Variants in PCDHGB3 observed in about 807,000 individuals in gnomAD.
PCDHGB3 encodes the protein protocadherin gamma-B3.
PCDHGB3 carries 40 observed loss-of-function variants against 59.2 expected under a neutral mutation model. That is an observed-to-expected ratio of 0.68 (90% CI 0.52 to 0.88). The LOEUF (loss-of-function observed/expected upper bound fraction) is 0.88, where lower values mean the gene tolerates loss of function less well. Among genes scored for constraint, PCDHGB3 ranks in the 40% least tolerant of loss-of-function variants. The probability of loss-of-function intolerance (pLI) is 0.00; values close to 1 mark genes in which losing one functional copy is unlikely to be tolerated. For synonymous variants in PCDHGB3, 581 were observed against 503.6 expected (o/e 1.15, Z -2.06); for missense variants, 1,309 against 1,187.9 (o/e 1.10, Z -1.50).
At chr5:141,408,605 A>G (rs1374368607) in intron 1 of PCDHGB3, 1 of 1,614,060 alleles carries the variant, frequency 6.2e-7, no homozygotes, top group South Asian at 1.1e-5. Flanking sequence ...TCAATTTGAT[A>G]AAAAGGAAAT....
At chr5:141,404,600 CTG>C (rs2094545529) in intron 1 of PCDHGB3, 2 of 1,613,938 alleles carry the variant, frequency 1.2e-6, no homozygotes, top group Non-Finnish European at 1.7e-6. Context: ...GTCATTGAGA[CTG>C]TTTGTTTTGG....
intron 1 of PCDHGB3, among the ~76,000 whole-genome samples, chr5:141,468,306 C>T (rs1006015063): frequency 9.5e-6 from 1 of 105,260 alleles, no homozygotes; most frequent in African/African-American, 3.7e-5. Context: ...GCCTGGGCAA[C>T]AAGAGCAACG....
intron 1 of PCDHGB3, chr5:141,440,430 G>A (rs965990102): frequency 6.6e-6 from 1 of 152,196 alleles, no homozygotes; most frequent in African/African-American, 2.4e-5. Flanking sequence ...CTGGGTGACA[G>A]AGCAAGGCGC....
In PCDHGB3 at chr5:141,415,213, G is replaced by A. The variant is rs750613524; in HGVS notation, c.2415+42404G>A. On this transcript the variant is annotated intron_variant, in intron 1 of 3. Coordinates refer to ENST00000576222, the MANE Select transcript of PCDHGB3 (RefSeq NM_018924.5). ...CATCCCCCAAGTCCTGGCGGACCTC[G>A]GCAGCTTCGAGTCTCCAGCTAACTC... 1.9e-6 allele frequency: 3 copies of A among 1,614,074 alleles called. No individual in the cohort carries two copies. In the East Asian group the frequency reaches 6.7e-5, roughly 36 times the overall value.
intron 1 of PCDHGB3, among the ~76,000 whole-genome samples, chr5:141,465,824 T>A (rs1447359333): frequency 6.6e-6 from 1 of 152,076 alleles, no homozygotes; most frequent in Non-Finnish European, 1.5e-5. Context: ...ATCACATTTG[T>A]TTAAAATTTC....
rs144018757 is a variant in PCDHGB3, at chr5:141,443,001, A to G, written c.2416-51806A>G. On this transcript the variant is annotated intron_variant, in intron 1 of 3. Transcript: ENST00000576222. ...GTTAGCCTATAATTTCAGTAAATCTAAGAATATGACTAATGGAAGTTGCCA... is the reference window on the plus strand; with the variant it reads ...GTTAGCCTATAATTTCAGTAAATCTGAGAATATGACTAATGGAAGTTGCCA... Among the ~76,000 whole-genome samples the G allele has an allele frequency of 1.3e-3, 194 of 152,312 alleles. 1 individual carries two copies. The East Asian group carries it at 0.032, about 25-fold the overall frequency.
chr5:141,400,221 C>T (rs377228541), intron 1 of PCDHGB3: 36 of 1,614,060 alleles, frequency 2.2e-5, no homozygotes, highest in Admixed American at 6.7e-5. Flanking sequence ...TCTCAGTGCT[C>T]TTCCTCCTGG....
chr5:141,481,455 C>T (rs2099537897), intron 1 of PCDHGB3, among the ~76,000 whole-genome samples: 1 of 152,176 alleles, frequency 6.6e-6, no homozygotes, highest in African/African-American at 2.4e-5. Flanking sequence ...TGTAAATACA[C>T]TGAAAACCAT....
chr5:141,421,163 G>C, intron 1 of PCDHGB3: 2 of 1,276,926 alleles, frequency 1.6e-6, no homozygotes, highest in Non-Finnish European at 2.1e-6. Flanking sequence ...GGACTTCATA[G>C]ATACATAAGC....
chr5:141,463,364 T>C (rs1166107031), intron 1 of PCDHGB3, among the ~76,000 whole-genome samples: 2 of 150,250 alleles, frequency 1.3e-5, no homozygotes, highest in Admixed American at 6.6e-5. Context: ...TCCCCTTTCC[T>C]GCCCCACAGT....
chr5:141,419,414 GCCTTCGACCACGAGCAGCTGCGCA>G, intron 1 of PCDHGB3: 1 of 1,613,428 alleles, frequency 6.2e-7, no homozygotes, highest in South Asian at 1.1e-5. Context: ...CGCGCAGCGC[GCCTTCGACCACGAGCAGCTGCGCA>G]CCTTCGAGCT....
intron 1 of PCDHGB3, among the ~76,000 whole-genome samples, chr5:141,437,623 T>G (rs887878119): frequency 3.3e-5 from 5 of 152,172 alleles, no homozygotes; most frequent in Non-Finnish European, 7.4e-5. Context: ...TATCCCCATA[T>G]AAGATGTCAG....
At chr5:141,478,050 C>T (rs2099429383) in intron 1 of PCDHGB3, 1 of 1,614,066 alleles carries the variant, frequency 6.2e-7, no homozygotes, top group Non-Finnish European at 8.5e-7. Flanking sequence ...CAGACTCTCA[C>T]GGTCTTGATC....
chr5:141,375,929 C>T, intron 1 of PCDHGB3: 1 of 1,613,738 alleles, frequency 6.2e-7, no homozygotes, highest in South Asian at 1.1e-5. Context: ...CGAGCCAGGA[C>T]TTTTCTCAGT....
rs568123995 is a variant in PCDHGB3 at position 141,511,539 on chromosome 5, C to G, written c.*366C>G. The G allele has an allele frequency of 3.0e-5, 10 of 328,342 alleles. No individual in the cohort carries two copies. The highest frequency in any genetic ancestry group is 2.1e-4 in the African/African-American group (10 of 47,452). The allele number at this position is 328,342 out of a possible 1,614,324, so 20.3% of individuals were successfully genotyped here. ...CATCCCATGCCTCCCTCCTCCCCAC[C>G]CCACTCCAACAGTTCCTCTTTCCCG... On this transcript the variant is annotated 3_prime_UTR_variant, in exon 4 of 4. Transcript: ENST00000576222.
chr5:141,423,832 T>G, intron 1 of PCDHGB3: 113 of 1,253,376 alleles, frequency 9.0e-5, no homozygotes, highest in East Asian at 2.6e-4. Context: ...TTTCATGAGA[T>G]TACGATAATC....
At chr5:141,494,638 A>G (rs2099755799) in intron 1 of PCDHGB3, 169 bp from the exon 2 acceptor site, 1 of 896,388 alleles carries the variant, frequency 1.1e-6, no homozygotes, top group African/African-American at 1.8e-5. Context: ...GACCTCTGAG[A>G]CCTGAGGTGT....
At chr5:141,393,491 G>C in intron 1 of PCDHGB3, 1 of 1,614,026 alleles carries the variant, frequency 6.2e-7, no homozygotes, top group Non-Finnish European at 8.5e-7. Flanking sequence ...CTAGCACAGT[G>C]CGCATCCACG....
intron 1 of PCDHGB3, chr5:141,376,159 C>A: frequency 1.9e-6 from 3 of 1,614,084 alleles, no homozygotes; most frequent in Non-Finnish European, 2.5e-6. Context: ...TCACTCTGTA[C>A]CTGGTGGTGG....
Sources: gnomAD v4.1 joint callset for allele counts (sites outside exome capture counted in the v4.1 genomes callset) on GRCh38, gnomAD v4.1.1 for gene constraint, MANE v1.5 for transcripts, NCBI Gene and HGNC (gene_info 2026-07-23, HGNC 2026-07-21) for gene names.